PLEKHA5: variants seen among roughly 807,000 people sequenced by gnomAD.
PLEKHA5 encodes the protein pleckstrin homology domain-containing family A member 5.
Under a neutral mutation model 181.9 loss-of-function variants are expected in PLEKHA5, and 55 were observed. That is an observed-to-expected ratio of 0.30 (90% CI 0.24 to 0.38). PLEKHA5 has a LOEUF of 0.38. Ranked by LOEUF, PLEKHA5 falls within the 10% of genes least tolerant of loss-of-function variation. The probability of loss-of-function intolerance (pLI) is 1.00; values close to 1 mark genes in which losing one functional copy is unlikely to be tolerated. For synonymous variants in PLEKHA5, 535 were observed against 529.4 expected (o/e 1.01, Z -0.15); for missense variants, 1,432 against 1,549.5 (o/e 0.92, Z 1.27).
intron 3 of PLEKHA5, among the ~76,000 whole-genome samples, chr12:19,140,782 C>T (rs2037025090): frequency 6.6e-6 from 1 of 151,956 alleles, no homozygotes; most frequent in African/African-American, 2.4e-5. Flanking sequence ...CTAGTATAAG[C>T]AAAAAGGAAA....
intron 3 of PLEKHA5, among the ~76,000 whole-genome samples, chr12:19,223,586 A>G (rs1191629452): frequency 6.6e-6 from 1 of 152,194 alleles, no homozygotes; most frequent in Non-Finnish European, 1.5e-5. Flanking sequence ...CCGATAGTAT[A>G]TAAAATGATT....
chr12:19,151,871 T>A (rs1186615786), intron 3 of PLEKHA5: 1 of 148,294 alleles, frequency 6.7e-6, no homozygotes, highest in African/African-American at 2.5e-5. Flanking sequence ...ATACTTTTTT[T>A]TTTTTTTTTT....
chr12:19,345,914 A>AAAAG, intron 23 of PLEKHA5, 26 bp downstream of exon 23: 1 of 1,165,440 alleles, frequency 8.6e-7, no homozygotes, highest in Non-Finnish European at 1.3e-6. Context: ...TTTTCTAATT[A>AAAAG]TAAATTACTT....
chr12:19,279,388 A>G (rs2075444058), intron 11 of PLEKHA5, among the ~76,000 whole-genome samples: 2 of 152,086 alleles, frequency 1.3e-5, no homozygotes, highest in South Asian at 2.1e-4. Flanking sequence ...CTCTTGGACC[A>G]GGTGTGGCTC....
chr12:19,342,990 C>T (rs918592396), intron 21 of PLEKHA5, among the ~76,000 whole-genome samples: 3 of 152,088 alleles, frequency 2.0e-5, no homozygotes, highest in Non-Finnish European at 4.4e-5. Context: ...GCTCTGTTTT[C>T]ATTCTCTCTG....
In PLEKHA5 at chr12:19,366,031, A is replaced by G. The variant is rs1356670588; in HGVS notation, c.3676A>G (p.Ser1226Gly). 6.2e-6 allele frequency: 10 copies of G among 1,611,422 alleles called. No individual in the cohort carries two copies. Among genetic ancestry groups the G allele is most frequent in the South Asian group, 1.1e-5 (1 of 90,818 alleles). Residue 1226 changes from serine to glycine, a missense_variant, in exon 30 of 32, where the codon AGT becomes GGT. Physicochemically the swap from Ser to Gly is moderately conservative, Grantham distance 56. Around this residue, in one of 2 missense-constraint regions of PLEKHA5, gnomAD observed 1,143 missense variants for 1,168.4 expected, o/e 0.98. Coordinates refer to ENST00000429027, the MANE Select transcript of PLEKHA5 (RefSeq NM_001256470.2). ...GCATCCTGAAGAAAATACAAAGAAC[A>G]GTGTTGACGAACAGGAAGAAACTGT... The part of the protein sequence containing the change: ...EEHPEENTKN[S>G]VDEQEETVIS...
At chr12:19,173,172 C>T (rs1482431712) in intron 3 of PLEKHA5, among the ~76,000 whole-genome samples, 9 of 148,972 alleles carry the variant, frequency 6.0e-5, no homozygotes, top group African/African-American at 2.2e-4. Context: ...TACAGGCGCC[C>T]GCCACCGCGC....
intron 25 of PLEKHA5, among the ~76,000 whole-genome samples, chr12:19,350,020 GA>G (rs1355665903): frequency 1.3e-5 from 2 of 152,100 alleles, no homozygotes; most frequent in Non-Finnish European, 2.9e-5. Flanking sequence ...ACTGAGACAG[GA>G]GAATCACTTG....
chr12:19,330,736 C>T (rs2092756473), intron 20 of PLEKHA5, among the ~76,000 whole-genome samples: 1 of 152,072 alleles, frequency 6.6e-6, no homozygotes, highest in Non-Finnish European at 1.5e-5. Context: ...TACCAGTTGG[C>T]AGGACTGTTA....
intron 16 of PLEKHA5, among the ~76,000 whole-genome samples, chr12:19,315,998 T>C (rs945997801): frequency 1.3e-5 from 2 of 152,142 alleles, no homozygotes; most frequent in African/African-American, 4.8e-5. Flanking sequence ...TTAAACAGCT[T>C]TACTTATCAA....
In PLEKHA5 at chr12:19,217,091, G is replaced by A. The variant is rs142520972; in HGVS notation, c.228-36849G>A. ...TGGTTTTGACCTTCAGAATGGCAAC[G>A]CCAAGGATTCATCCCCATGTTGTAA... On this transcript the variant is annotated intron_variant, in intron 3 of 31. Coordinates refer to ENST00000429027, the MANE Select transcript of PLEKHA5 (RefSeq NM_001256470.2). 2.4e-3 allele frequency among the ~76,000 whole-genome samples: 359 copies of A among 152,274 alleles called. 1 individual carries two copies. Among genetic ancestry groups the A allele is most frequent in the African/African-American group, 8.2e-3 (342 of 41,558 alleles).
intron 3 of PLEKHA5, among the ~76,000 whole-genome samples, chr12:19,164,369 A>G (rs1180947071): frequency 6.6e-6 from 1 of 151,592 alleles, no homozygotes; most frequent in East Asian, 1.9e-4. Flanking sequence ...TAATTTTTGT[A>G]TTTTTAGTAG....
At chr12:19,363,375 A>G (rs1293093934) in intron 29 of PLEKHA5, among the ~76,000 whole-genome samples, 4 of 149,698 alleles carry the variant, frequency 2.7e-5, no homozygotes, top group Non-Finnish European at 4.4e-5. Flanking sequence ...TCACCGTGTT[A>G]GCCAGGATGG....
At chr12:19,288,980 G>C (rs2077816943) in intron 13 of PLEKHA5, among the ~76,000 whole-genome samples, 1 of 152,116 alleles carries the variant, frequency 6.6e-6, no homozygotes, top group South Asian at 2.1e-4. Context: ...ATAAACCAGA[G>C]TTTCAGTATT....
chr12:19,329,940 A>C (rs1054432402), intron 20 of PLEKHA5, among the ~76,000 whole-genome samples: 2 of 151,864 alleles, frequency 1.3e-5, no homozygotes, highest in South Asian at 4.2e-4. Context: ...AACAAAAAAA[A>C]CTAGCCGAGC....
At chr12:19,170,246 A>G (rs551090917) in intron 3 of PLEKHA5, among the ~76,000 whole-genome samples, 1 of 152,318 alleles carries the variant, frequency 6.6e-6, no homozygotes, top group East Asian at 1.9e-4. Context: ...AAATATGTGG[A>G]TGGCTTATAT....
intron 11 of PLEKHA5, among the ~76,000 whole-genome samples, chr12:19,281,523 G>A (rs1241555242): frequency 1.3e-5 from 2 of 151,626 alleles, no homozygotes; most frequent in Non-Finnish European, 1.5e-5. Flanking sequence ...GTTGCAGTGA[G>A]CTGAGATTGT....
chr12:19,298,506 T>C (rs980979757), intron 15 of PLEKHA5, among the ~76,000 whole-genome samples: 1 of 150,048 alleles, frequency 6.7e-6, no homozygotes, highest in Admixed American at 6.7e-5. Context: ...GTAGCTGTGA[T>C]TACAGGCACC....
chr12:19,287,297 C>G (rs2077429220), intron 12 of PLEKHA5, among the ~76,000 whole-genome samples, 176 bp from the exon 13 acceptor site: 1 of 152,218 alleles, frequency 6.6e-6, no homozygotes, highest in African/African-American at 2.4e-5. Flanking sequence ...AGCCACCGCA[C>G]CCAGCCCCAC....
Sources: gnomAD v4.1 joint callset for allele counts (sites outside exome capture counted in the v4.1 genomes callset) on GRCh38, gnomAD v4.1.1 for gene constraint, gnomAD v4.1.1 regional missense constraint, MANE v1.5 for transcripts, NCBI Gene and HGNC (gene_info 2026-07-23, HGNC 2026-07-21) for gene names.